LMX1A: variants seen among roughly 807,000 people sequenced by gnomAD.
LMX1A encodes LIM homeobox transcription factor 1-alpha.
LMX1A carries 15 observed loss-of-function variants against 49.1 expected under a neutral mutation model. The observed-to-expected ratio is 0.31, with a 90% CI of 0.20 to 0.47. The LOEUF is 0.47. LMX1A is among the 20% of genes least tolerant of loss of function. The pLI is 1.00. For synonymous variants in LMX1A, 167 were observed against 185.7 expected, an observed-to-expected ratio of 0.90 and a Z score of 0.82; for missense variants, 372 against 475.8, an observed-to-expected ratio of 0.78 and a Z score of 2.03.
At chr1:165,312,741 A>T (rs992692528) in intron 3 of LMX1A, among the ~76,000 whole-genome samples, 2 of 152,232 alleles carry the variant, frequency 1.3e-5, no homozygotes, top group African/African-American at 4.8e-5. Context: ...CAGATCCTCC[A>T]TCCCCAGCTG....
intron 3 of LMX1A, among the ~76,000 whole-genome samples, chr1:165,339,650 G>A (rs1386883184): frequency 6.6e-6 from 1 of 152,200 alleles, no homozygotes; most frequent in Non-Finnish European, 1.5e-5. Context: ...GCCTTGAGGA[G>A]TGATGGAAAG....
chr1:165,352,300 G>A (rs1297393954), intron 3 of LMX1A, among the ~76,000 whole-genome samples: 1 of 152,190 alleles, frequency 6.6e-6, no homozygotes, highest in Non-Finnish European at 1.5e-5. Context: ...GAACGTACCA[G>A]AACGTTCATG....
At chr1:165,317,199 G>C (rs541907763) in intron 3 of LMX1A, among the ~76,000 whole-genome samples, 1 of 152,246 alleles carries the variant, frequency 6.6e-6, no homozygotes, top group African/African-American at 2.4e-5. Context: ...AGAGTAGAGA[G>C]GTGAAACCCC....
At chr1:165,279,727 T>A (rs1654088947) in intron 3 of LMX1A, among the ~76,000 whole-genome samples, 1 of 152,210 alleles carries the variant, frequency 6.6e-6, no homozygotes, top group Non-Finnish European at 1.5e-5. Context: ...ATAATTTGTA[T>A]TATTAGTTCC....
chr1:165,254,269 G>A (rs76337520), intron 3 of LMX1A, among the ~76,000 whole-genome samples: 7,891 of 152,232 alleles, frequency 0.052, 296 homozygotes, highest in Middle Eastern at 0.079. Context: ...GTTGGAGAAG[G>A]GAGGGTTGGA....
intron 3 of LMX1A, among the ~76,000 whole-genome samples, chr1:165,300,600 A>T (rs999462968): frequency 1.3e-5 from 2 of 152,180 alleles, no homozygotes; most frequent in African/African-American, 4.8e-5. Flanking sequence ...ACTGACCACA[A>T]AACAGCCTCA....
At chr1:165,321,366 G>A (rs972232008) in intron 3 of LMX1A, among the ~76,000 whole-genome samples, 1 of 152,130 alleles carries the variant, frequency 6.6e-6, no homozygotes, top group Non-Finnish European at 1.5e-5. Flanking sequence ...AAAAACCACT[G>A]AGTTGTACAA....
intron 3 of LMX1A, among the ~76,000 whole-genome samples, chr1:165,325,140 C>A (rs1304498776): frequency 1.3e-5 from 2 of 152,126 alleles, no homozygotes; most frequent in Admixed American, 1.3e-4. Context: ...CTACTAGATT[C>A]TTAATCACAA....
In LMX1A at chr1:165,215,883, A is replaced by G. The variant is rs546889385; in HGVS notation, c.497-2070T>C. ...TGGTTTCCATAACTACATACCAACA[A>G]CAATAAATACCACACAGTGGGTGTC... On this transcript the variant is annotated intron_variant, in intron 4 of 8. Transcript: ENST00000342310. 9.8e-4 allele frequency: 149 copies of G among 152,304 alleles called. 1 individual carries two copies. The highest frequency in any genetic ancestry group is 3.4e-3 in the African/African-American group (143 of 41,560). 9.4% of individuals were successfully genotyped at this position (152,304 alleles called of 1,614,324 possible). A position where few individuals can be genotyped will look rare whatever the true frequency, so the allele number is the denominator to read the frequency against.
chr1:165,268,939 A>G (rs575982096), intron 3 of LMX1A, among the ~76,000 whole-genome samples: 22 of 152,212 alleles, frequency 1.4e-4, no homozygotes, highest in Non-Finnish European at 1.5e-5. Flanking sequence ...CTTTCTATAC[A>G]CTGGAACCAA....
rs533879556 is a variant in LMX1A at position 165,334,504 on chromosome 1, T to C, written c.263+18572A>G. ...GTGAAGGAACTGAGGCACAGAGATA[T>C]CAAATACCCATCCAAGGTCACACAA... On this transcript the variant is annotated intron_variant, in intron 3 of 8. Coordinates refer to ENST00000342310, the MANE Select transcript of LMX1A (RefSeq NM_177398.4). Among the ~76,000 whole-genome samples the C allele has an allele frequency of 7.2e-5, 11 of 152,272 alleles. 1 individual carries two copies. The highest frequency in any genetic ancestry group is 2.2e-4 in the African/African-American group (9 of 41,560).
chr1:165,246,694 C>T (rs543305179), intron 4 of LMX1A, among the ~76,000 whole-genome samples: 73 of 152,312 alleles, frequency 4.8e-4, no homozygotes, highest in African/African-American at 1.7e-3. Flanking sequence ...TAGGTCTGAT[C>T]TAATCATTTG....
intron 3 of LMX1A, among the ~76,000 whole-genome samples, chr1:165,351,853 T>C (rs1306309711): frequency 1.3e-5 from 2 of 152,250 alleles, no homozygotes; most frequent in Non-Finnish European, 2.9e-5. Flanking sequence ...ACTTCTCCCG[T>C]TCAGCCCCTC....
chr1:165,231,520 G>A (rs576842866), intron 4 of LMX1A, among the ~76,000 whole-genome samples: 1 of 152,252 alleles, frequency 6.6e-6, no homozygotes, highest in East Asian at 1.9e-4. Flanking sequence ...CTGGCTTCAA[G>A]TGACCTTCCA....
At position 165,223,809 on chromosome 1, in the gene LMX1A, T is replaced by TAA. The variant is rs34471342; in HGVS notation, c.497-9998_497-9997dup. Among the ~76,000 whole-genome samples the TAA allele has an allele frequency of 5.6e-3, 811 of 144,832 alleles. 7 individuals are homozygous for TAA. Among genetic ancestry groups the TAA allele is most frequent in the African/African-American group, 0.016 (640 of 39,462 alleles). On this transcript the variant is annotated intron_variant, in intron 4 of 8. Coordinates refer to ENST00000342310, the MANE Select transcript of LMX1A (RefSeq NM_177398.4). The stretch of plus-strand genomic sequence containing the variant: ...TATCCTAAGCTCTAAGTACAAACTT[T>TAA]AAAAAAAAAAAAAAAACTAGTGTAC...
intron 4 of LMX1A, among the ~76,000 whole-genome samples, chr1:165,223,739 G>C (rs10800076): frequency 0.24 from 36,617 of 150,806 alleles, 5,769 homozygotes; most frequent in East Asian, 0.56. Context: ...AGACAATTTT[G>C]TATGTTGTCT....
chr1:165,237,459 C>T (rs1480521913), intron 4 of LMX1A, among the ~76,000 whole-genome samples: 1 of 152,088 alleles, frequency 6.6e-6, no homozygotes, highest in Non-Finnish European at 1.5e-5. Flanking sequence ...TCTCGTGATC[C>T]GCCCGCCTCG....
At chr1:165,224,517 G>A (rs970935560) in intron 4 of LMX1A, among the ~76,000 whole-genome samples, 19 of 152,144 alleles carry the variant, frequency 1.2e-4, no homozygotes, top group East Asian at 7.7e-4. Context: ...ACTAAATGCC[G>A]GCTTTCATCA....
chr1:165,333,339 A>C (rs1655805282), intron 3 of LMX1A, among the ~76,000 whole-genome samples: 3 of 152,086 alleles, frequency 2.0e-5, no homozygotes, highest in African/African-American at 7.2e-5. Flanking sequence ...TTATACTTTT[A>C]GTAGAGACAG....
Sources: gnomAD v4.1 joint callset for allele counts (sites outside exome capture counted in the v4.1 genomes callset) on GRCh38, gnomAD v4.1.1 for gene constraint, MANE v1.5 for transcripts, NCBI Gene and HGNC (gene_info 2026-07-23, HGNC 2026-07-21) for gene names.